Variants in ARNT2 observed in about 807,000 individuals in gnomAD.
ARNT2 encodes the protein aryl hydrocarbon receptor nuclear translocator 2.
ARNT2 carries 36 observed loss-of-function variants against 91.7 expected under a neutral mutation model. The observed-to-expected ratio is 0.39, with a 90% confidence interval of 0.30 to 0.52. The LOEUF is 0.52. Among genes scored for constraint, ARNT2 ranks in the 20% least tolerant of loss-of-function variants. The pLI, the probability that ARNT2 is intolerant of heterozygous loss-of-function variation, is 0.72. For synonymous variants in ARNT2, 365 were observed against 347.1 expected (o/e 1.05, Z -0.57); for missense variants, 775 against 939.3 (o/e 0.83, Z 2.29).
At chr15:80,450,407 C>T (rs1275359088) in intron 1 of ARNT2, among the ~76,000 whole-genome samples, 1 of 152,120 alleles carries the variant, frequency 6.6e-6, no homozygotes, top group African/African-American at 2.4e-5. Context: ...TGGCAACCAG[C>T]CTTTCTGCTT....
At chr15:80,439,771 C>T (rs1200770839) in intron 1 of ARNT2, among the ~76,000 whole-genome samples, 2 of 152,182 alleles carry the variant, frequency 1.3e-5, no homozygotes, top group Admixed American at 1.3e-4. Flanking sequence ...TCATTGAGAA[C>T]TGGCCTCTTC....
chr15:80,509,458 AAAT>A (rs142269366), intron 6 of ARNT2, among the ~76,000 whole-genome samples: 2,601 of 151,486 alleles, frequency 0.017, 82 homozygotes, highest in African/African-American at 0.06. Flanking sequence ...AAAGAGACTA[AAAT>A]AATAATAATA....
chr15:80,567,522 G>T (rs145468008), intron 12 of ARNT2, among the ~76,000 whole-genome samples: 2 of 152,132 alleles, frequency 1.3e-5, no homozygotes, highest in Non-Finnish European at 2.9e-5. Context: ...ATACTTCCCC[G>T]CAGGGCCTCG....
chr15:80,416,655 A>G, intron 1 of ARNT2, among the ~76,000 whole-genome samples: 1 of 151,786 alleles, frequency 6.6e-6, no homozygotes. Flanking sequence ...TTTTTCTTTC[A>G]TTACCTTAAC....
At chr15:80,518,892 A>G (rs1352470422) in intron 8 of ARNT2, among the ~76,000 whole-genome samples, 1 of 152,064 alleles carries the variant, frequency 6.6e-6, no homozygotes, top group Admixed American at 6.5e-5. Flanking sequence ...ACATATTTCA[A>G]AATGGTTACT....
At chr15:80,449,995 C>T (rs1334735500) in intron 1 of ARNT2, among the ~76,000 whole-genome samples, 1 of 152,164 alleles carries the variant, frequency 6.6e-6, no homozygotes, top group Non-Finnish European at 1.5e-5. Context: ...ATCACAGAGG[C>T]CACTTGAAAC....
At chr15:80,494,401 C>T (rs952301005) in intron 5 of ARNT2, among the ~76,000 whole-genome samples, 12 of 152,184 alleles carry the variant, frequency 7.9e-5, no homozygotes, top group African/African-American at 2.7e-4. Flanking sequence ...ACTGGGCTGC[C>T]TTTCCACAGC....
rs1184100672 is a variant in ARNT2 at position 80,508,244 on chromosome 15, C to T, written c.711C>T (p.Phe237=). The change falls in exon 6 of 19, where the codon TTC becomes TTT. Residue 237 remains phenylalanine, a synonymous_variant. Coordinates refer to ENST00000303329, the MANE Select transcript of ARNT2 (RefSeq NM_014862.4). ...MRMCMGSRRS[F]ICRMRCGNAP... ...TGTGCATGGGCTCGCGGCGGTCTTTCATCTGCAGGATGAGGTCTGTTTTGG... is the reference window on the plus strand; with the variant it reads ...TGTGCATGGGCTCGCGGCGGTCTTTTATCTGCAGGATGAGGTCTGTTTTGG... 3.7e-6 allele frequency: 6 copies of T among 1,614,088 alleles called. No homozygotes were observed. Among genetic ancestry groups the T allele is most frequent in the Non-Finnish European group, 5.1e-6 (6 of 1,179,966 alleles).
intron 3 of ARNT2, 80 bp downstream of exon 3, chr15:80,458,056 CT>C (rs1896504442): frequency 4.1e-6 from 6 of 1,476,738 alleles, no homozygotes; most frequent in Non-Finnish European, 5.6e-6. Context: ...AATGTAACGT[CT>C]TTTGTCATTG....
intron 8 of ARNT2, among the ~76,000 whole-genome samples, chr15:80,549,743 C>A (rs1312441293): frequency 6.6e-6 from 1 of 152,208 alleles, no homozygotes; most frequent in African/African-American, 2.4e-5. Flanking sequence ...ACCTCCTATA[C>A]ATTCCTGGTG....
chr15:80,465,180 C>T (rs1896635871), intron 3 of ARNT2, among the ~76,000 whole-genome samples: 1 of 152,180 alleles, frequency 6.6e-6, no homozygotes, highest in African/African-American at 2.4e-5. Context: ...TGTCCAAGAG[C>T]AGAGGTTATC....
In ARNT2 at chr15:80,563,075, A is replaced by G. The variant is rs377684761; in HGVS notation, c.1165-13A>G. The G allele has an allele frequency of 5.0e-6, 8 of 1,613,554 alleles. No individual in the cohort carries two copies. The African/African-American group carries it at 9.4e-5, about 19-fold the overall frequency. ...TTCCTCCTGCTGACTTCCTTCTCCA[A>G]ATGTTTTCTCAGGTGGTTAAGCTGA... is the stretch of plus-strand genomic sequence containing the variant. On this transcript the variant is annotated splice_polypyrimidine_tract_variant and intron_variant, in intron 11 of 18. Coordinates refer to ENST00000303329, the MANE Select transcript of ARNT2 (RefSeq NM_014862.4).
chr15:80,563,157 T>G lies in ARNT2; in HGVS notation c.1234T>G (p.Leu412Val). Reference sequence around the variant, plus strand: ...TCGCACCAAGAACCGGGAGTGGATGTTGATCCGCACCAGCAGCTTCACATT... The same window carrying G: ...TCGCACCAAGAACCGGGAGTGGATGGTGATCCGCACCAGCAGCTTCACATT... ...RFRTKNREWM[L>V]IRTSSFTFQN... The change falls in exon 12 of 19, where the codon TTG becomes GTG. Residue 412 changes from leucine (L) to valine (V), a missense_variant. Physicochemically the swap from Leu to Val is conservative, Grantham distance 32 (BLOSUM62 1). This residue lies in a region of ARNT2 where 285 missense variants were observed against 327.2 expected (regional missense o/e 0.87). Transcript: ENST00000303329. 1 of 1,614,174 alleles carries G rather than the reference T, an allele frequency of 6.2e-7. No individual in the cohort carries two copies. The highest frequency in any genetic ancestry group is 8.5e-7 in the Non-Finnish European group (1 of 1,180,018).
At chr15:80,476,552 T>C (rs1896805452) in intron 5 of ARNT2, among the ~76,000 whole-genome samples, 1 of 152,252 alleles carries the variant, frequency 6.6e-6, no homozygotes, top group African/African-American at 2.4e-5. Flanking sequence ...GACCATATTG[T>C]GAGCTGTTGT....
At chr15:80,407,077 T>C (rs1895611467) in intron 1 of ARNT2, among the ~76,000 whole-genome samples, 1 of 152,206 alleles carries the variant, frequency 6.6e-6, no homozygotes, top group Admixed American at 6.5e-5. Flanking sequence ...GAATTCCTTT[T>C]TCTTCCTGCC....
chr15:80,560,404 A>G (rs985602158), intron 11 of ARNT2, among the ~76,000 whole-genome samples: 3 of 152,116 alleles, frequency 2.0e-5, no homozygotes, highest in African/African-American at 7.2e-5. Context: ...GGACTGCTTG[A>G]GCTAACATGT....
intron 11 of ARNT2, chr15:80,555,520 CA>C: frequency 5.5e-6 from 1 of 182,134 alleles, no homozygotes; most frequent in Non-Finnish European, 1.2e-5. Flanking sequence ...CCTAGAGATG[CA>C]AAAGGGAGAA....
At chr15:80,412,084 T>A (rs1895687688) in intron 1 of ARNT2, among the ~76,000 whole-genome samples, 1 of 152,240 alleles carries the variant, frequency 6.6e-6, no homozygotes. Context: ...TTCATTGCCC[T>A]CTGATTGAAT....
At position 80,521,917 on chromosome 15, in the gene ARNT2, C is replaced by T. The variant is rs552813243; in HGVS notation, c.877+7512C>T. Among the ~76,000 whole-genome samples, 177 of 152,206 alleles carry T rather than the reference C, an allele frequency of 1.2e-3. 1 individual carries two copies. Among genetic ancestry groups the T allele is most frequent in the Middle Eastern group, 6.8e-3 (2 of 294 alleles). ...CTCTGACCAACTCATACACCTGTCA[C>T]GTACATTCCTTTGCTCATTACCATG... On this transcript the variant is annotated intron_variant, in intron 8 of 18. Transcript: ENST00000303329.
Sources: allele counts gnomAD v4.1 joint callset (sites outside exome capture counted in the v4.1 genomes callset), GRCh38; gene constraint gnomAD v4.1.1; regional missense constraint gnomAD v4.1.1; transcripts MANE v1.5; gene names NCBI Gene and HGNC (gene_info 2026-07-23, HGNC 2026-07-21).